Variants in SLC35A3 observed in about 807,000 individuals in gnomAD.
The protein encoded by SLC35A3 is solute carrier family 35 member A3, also known as UDP-N-acetylglucosamine transporter.
SLC35A3 carries 26 observed loss-of-function variants against 39.0 expected under a neutral mutation model. The ratio of observed to expected loss-of-function variants is 0.67; its 90% CI spans 0.49 to 0.92. The LOEUF is 0.92. SLC35A3 is among the 40% of genes least tolerant of loss of function. The pLI, the probability that SLC35A3 is intolerant of heterozygous loss-of-function variation, is 0.00. For missense variants in SLC35A3, 299 were observed against 371.6 expected, an observed-to-expected ratio of 0.80 and a Z score of 1.61; for synonymous variants, 135 against 133.1, an observed-to-expected ratio of 1.01 and a Z score of -0.10.
chr1:100,013,615 C>G (rs1422271045), intron 5 of SLC35A3, among the ~76,000 whole-genome samples: 1 of 151,172 alleles, frequency 6.6e-6, no homozygotes, highest in Non-Finnish European at 1.5e-5. Flanking sequence ...AATCCTGTCT[C>G]AAAATATACA....
At chr1:99,977,949 T>A (rs1010925367) in intron 1 of SLC35A3, among the ~76,000 whole-genome samples, 1 of 152,230 alleles carries the variant, frequency 6.6e-6, no homozygotes, top group South Asian at 2.1e-4. Flanking sequence ...ATATTTTACT[T>A]TCTGCATATA....
intron 1 of SLC35A3, among the ~76,000 whole-genome samples, chr1:99,977,757 TGGAACTCCTGGGCTCAAG>T (rs2101037008): frequency 6.6e-6 from 1 of 152,244 alleles, no homozygotes; most frequent in South Asian, 2.1e-4. Flanking sequence ...CAGGCTGGTC[TGGAACTCCTGGGCTCAAG>T]GGATCCTCCC....
At chr1:100,015,556 G>A in intron 6 of SLC35A3, 136 bp downstream of exon 6, 1 of 956,014 alleles carries the variant, frequency 1.0e-6, no homozygotes, top group Non-Finnish European at 1.4e-6. Context: ...TTTATTCAAG[G>A]AAGTGAAAAT....
chr1:99,995,116 CT>C (rs1346627699), intron 2 of SLC35A3, among the ~76,000 whole-genome samples: 1 of 94,140 alleles, frequency 1.1e-5, no homozygotes, highest in Non-Finnish European at 2.3e-5. Context: ...TTCTTTCTTT[CT>C]TTCTTTCTTT....
At chr1:99,974,203 T>G (rs904967256) in intron 1 of SLC35A3, among the ~76,000 whole-genome samples, 48 of 152,318 alleles carry the variant, frequency 3.2e-4, no homozygotes, top group African/African-American at 1.1e-3. Context: ...TCAAACAGCA[T>G]TTCTAATAGT....
intron 1 of SLC35A3, among the ~76,000 whole-genome samples, chr1:99,971,980 C>A (rs1656840545): frequency 2.0e-5 from 3 of 152,090 alleles, no homozygotes; most frequent in African/African-American, 7.2e-5. Flanking sequence ...TCACTGCAAC[C>A]TCCGTCTCCC....
At chr1:100,012,944 C>T (rs2094425861) in intron 5 of SLC35A3, among the ~76,000 whole-genome samples, 2 of 152,212 alleles carry the variant, frequency 1.3e-5, no homozygotes, top group Admixed American at 6.5e-5. Context: ...TATGTAACCT[C>T]TCTGTGCTTC....
chr1:99,984,536 A>G (rs760059511), intron 1 of SLC35A3, among the ~76,000 whole-genome samples: 5 of 152,222 alleles, frequency 3.3e-5, no homozygotes, highest in Admixed American at 1.3e-4. Flanking sequence ...TTGTGCTGCT[A>G]TAAACATGCG....
chr1:100,002,887 T>C (rs1658913278), intron 3 of SLC35A3, among the ~76,000 whole-genome samples: 1 of 152,110 alleles, frequency 6.6e-6, no homozygotes, highest in Non-Finnish European at 1.5e-5. Context: ...GTGCTGGGAT[T>C]ATAGCTATGA....
intron 7 of SLC35A3, 137 bp from the exon 8 acceptor site, chr1:100,022,249 G>C: frequency 1.8e-6 from 1 of 553,086 alleles, no homozygotes. Context: ...AATGTAGTAA[G>C]TACTCAAGAT....
Position 100,023,640 on chromosome 1 carries a change from T to A in SLC35A3, c.*1164T>A, listed in dbSNP as rs1660698331. On this transcript the variant is annotated 3_prime_UTR_variant, in exon 8 of 8. Coordinates refer to ENST00000533028, the MANE Select transcript of SLC35A3 (RefSeq NM_012243.3). Reference sequence around the variant, plus strand: ...TCGGAAGATTTTTTTAGGTCTCTCATAAGCCTATTCTTCCCTGATCACATG... The same window carrying A: ...TCGGAAGATTTTTTTAGGTCTCTCAAAAGCCTATTCTTCCCTGATCACATG... 1 of 152,254 alleles carries A rather than the reference T, an allele frequency of 6.6e-6. No homozygotes were observed. 9.4% of individuals were successfully genotyped at this position (152,254 alleles called of 1,614,324 possible). A position where few individuals can be genotyped will look rare whatever the true frequency, so the allele number is the denominator to read the frequency against.
intron 1 of SLC35A3, chr1:99,970,638 G>C: frequency 2.6e-6 from 4 of 1,535,954 alleles, no homozygotes; most frequent in Non-Finnish European, 1.7e-6. Context: ...TGGAAAGGCT[G>C]CCCTTGGTAA....
intron 1 of SLC35A3, among the ~76,000 whole-genome samples, chr1:99,985,842 G>A (rs1043973087): frequency 2.6e-5 from 4 of 152,126 alleles, no homozygotes; most frequent in Non-Finnish European, 4.4e-5. Flanking sequence ...ATTGTAAAAG[G>A]GGTTGAGTTC....
intron 5 of SLC35A3, among the ~76,000 whole-genome samples, chr1:100,014,674 G>C (rs118006237): frequency 6.6e-6 from 1 of 152,178 alleles, no homozygotes; most frequent in Non-Finnish European, 1.5e-5. Flanking sequence ...GCACATATTC[G>C]AATGGGCTAG....
intron 4 of SLC35A3, chr1:100,007,358 A>T (rs992487177): frequency 1.4e-5 from 6 of 440,420 alleles, no homozygotes; most frequent in Non-Finnish European, 2.4e-5. Context: ...ATCAAAATAA[A>T]ATTATATTAC....
Position 100,032,851 on chromosome 1 carries a change from G to A in SLC35A3, c.*10375G>A, listed in dbSNP as rs1661316306. 2 of 152,162 alleles carry A rather than the reference G, an allele frequency of 1.3e-5. No individual in the cohort carries two copies. The highest frequency in any genetic ancestry group is 4.8e-5 in the African/African-American group (2 of 41,438). 9.4% of individuals were successfully genotyped at this position (152,162 alleles called of 1,614,324 possible). A position where few individuals can be genotyped will look rare whatever the true frequency, so the allele number is the denominator to read the frequency against. On this transcript the variant is annotated 3_prime_UTR_variant, in exon 8 of 8. Transcript: ENST00000533028. ...TGAGCCACCGCGCCCGGCCACTCTT[G>A]TGTTTTTTAAACATGACCACATTAG...
intron 5 of SLC35A3, among the ~76,000 whole-genome samples, chr1:100,014,285 A>T (rs917081980): frequency 6.6e-6 from 1 of 152,182 alleles, no homozygotes; most frequent in East Asian, 1.9e-4. Context: ...CAGTGGTAGA[A>T]TCATAGCCCA....
In SLC35A3 at chr1:99,999,326, C is replaced by T; in HGVS notation, c.253C>T (p.Leu85Phe). The T allele has an allele frequency of 1.9e-6, 3 of 1,599,918 alleles. No individual in the cohort carries two copies. Among genetic ancestry groups the T allele is most frequent in the Non-Finnish European group, 2.6e-6 (3 of 1,171,854 alleles). The change falls in exon 3 of 8, where the codon CTT (leucine) becomes TTT (phenylalanine). Residue 85 changes from leucine to phenylalanine, a missense_variant. Physicochemically the swap from Leu to Phe is conservative, Grantham distance 22. Coordinates refer to ENST00000533028, the MANE Select transcript of SLC35A3 (RefSeq NM_012243.3). Reference sequence around the variant, plus strand: ...AATTCTTAATAAACCTATGGAAACACTTAAACTTGCTATTCCATCAGGGAT... The same window carrying T: ...AATTCTTAATAAACCTATGGAAACATTTAAACTTGCTATTCCATCAGGGAT... ...DEILNKPMET[L>F]KLAIPSGIYT...
At position 100,031,415 on chromosome 1, in the gene SLC35A3, G is replaced by C. The variant is rs1661223039; in HGVS notation, c.*8939G>C. Reference sequence around the variant, plus strand: ...ATGGACATCTTCTTAATTAACCTCAGTGCCATTATGACACCTAAGAAAATT... The same window carrying C: ...ATGGACATCTTCTTAATTAACCTCACTGCCATTATGACACCTAAGAAAATT... On this transcript the variant is annotated 3_prime_UTR_variant, in exon 8 of 8. Transcript: ENST00000533028. 6.6e-6 allele frequency: 1 copy of C among 152,086 alleles called. No individual in the cohort carries two copies. The highest frequency in any genetic ancestry group is 2.4e-5 in the African/African-American group (1 of 41,396). The allele number at this position is 152,086 out of a possible 1,614,324, so 9.4% of individuals were successfully genotyped here. A position where few individuals can be genotyped will look rare whatever the true frequency, so the allele number is the denominator to read the frequency against.
Sources: allele counts gnomAD v4.1 joint callset (sites outside exome capture counted in the v4.1 genomes callset), GRCh38; gene constraint gnomAD v4.1.1; transcripts MANE v1.5; gene names NCBI Gene and HGNC (gene_info 2026-07-23, HGNC 2026-07-21).